Variants in GRID2 observed in about 807,000 individuals in gnomAD.
GRID2 encodes glutamate ionotropic receptor delta type subunit 2.
Under a neutral mutation model 114.8 loss-of-function variants are expected in GRID2, and 33 were observed. The ratio of observed to expected loss-of-function variants is 0.29; its 90% confidence interval spans 0.22 to 0.38. GRID2 has a LOEUF of 0.38. Ranked by LOEUF, GRID2 falls within the 10% of genes least tolerant of loss-of-function variation. The pLI is 1.00. For missense variants in GRID2, 1,184 were observed against 1,257.7 expected, an observed-to-expected ratio of 0.94 and a Z score of 0.89; for synonymous variants, 505 against 449.9, an observed-to-expected ratio of 1.12 and a Z score of -1.55.
chr4:92,772,478 G>GA (rs1323715832), intron 2 of GRID2, among the ~76,000 whole-genome samples: 1 of 152,028 alleles, frequency 6.6e-6, no homozygotes, highest in African/African-American at 2.4e-5. Context: ...TACAATAAGG[G>GA]AGGAGCAGTG....
At chr4:92,922,494 A>G (rs958689890) in intron 2 of GRID2, among the ~76,000 whole-genome samples, 2 of 152,086 alleles carry the variant, frequency 1.3e-5, no homozygotes, top group Admixed American at 1.3e-4. Context: ...CCACCCCCCC[A>G]GAAACTGACA....
At position 92,651,793 on chromosome 4, in the gene GRID2, G is replaced by A. The variant is rs1579769437; in HGVS notation, c.244+61507G>A. Among the ~76,000 whole-genome samples the A allele has an allele frequency of 3.3e-5, 5 of 152,118 alleles. No individual in the cohort carries two copies. In the South Asian group the frequency reaches 8.3e-4, roughly 25 times the overall value. On this transcript the variant is annotated intron_variant, in intron 2 of 15. Coordinates refer to ENST00000282020, the MANE Select transcript of GRID2 (RefSeq NM_001510.4). Reference sequence around the variant, plus strand: ...GTTCTGCCCATTGAGAGGATTTCCTGTTACAACTGTCATTCAGCTATGTCC... The same window carrying A: ...GTTCTGCCCATTGAGAGGATTTCCTATTACAACTGTCATTCAGCTATGTCC...
chr4:92,709,588 AAATATAT>A (rs1206154852), intron 2 of GRID2, among the ~76,000 whole-genome samples: 1 of 131,558 alleles, frequency 7.6e-6, no homozygotes, highest in African/African-American at 3.0e-5. Flanking sequence ...AAAAAAAAAA[AAATATAT>A]ATATATATAT....
At chr4:93,374,211 A>G (rs551466449) in intron 8 of GRID2, among the ~76,000 whole-genome samples, 131 of 152,174 alleles carry the variant, frequency 8.6e-4, no homozygotes, top group Non-Finnish European at 1.7e-3. Context: ...AAAGGCAATA[A>G]TATGTCATAT....
At chr4:93,484,970 A>T (rs1256397481) in intron 11 of GRID2, among the ~76,000 whole-genome samples, 2 of 151,864 alleles carry the variant, frequency 1.3e-5, no homozygotes, top group Non-Finnish European at 2.9e-5. Context: ...GTATTCTAAG[A>T]TATGCATACG....
At chr4:93,240,000 A>G (rs569898815) in intron 8 of GRID2, among the ~76,000 whole-genome samples, 1 of 151,540 alleles carries the variant, frequency 6.6e-6, no homozygotes, top group South Asian at 2.1e-4. Context: ...ATTCATTTAT[A>G]TTGCTGTATT....
chr4:93,073,172 T>G (rs1016622174), intron 2 of GRID2, among the ~76,000 whole-genome samples: 12 of 152,110 alleles, frequency 7.9e-5, no homozygotes, highest in African/African-American at 2.9e-4. Flanking sequence ...GTGCGACTAG[T>G]GATGCTGGAA....
chr4:93,324,101 A>G (rs919689136), intron 8 of GRID2, among the ~76,000 whole-genome samples: 22 of 152,142 alleles, frequency 1.4e-4, no homozygotes, highest in African/African-American at 5.3e-4. Context: ...AGGAGTGGTG[A>G]GAGAGGGCAT....
chr4:93,648,028 C>G (rs1722262297), intron 14 of GRID2, among the ~76,000 whole-genome samples: 1 of 152,106 alleles, frequency 6.6e-6, no homozygotes, highest in African/African-American at 2.4e-5. Context: ...TAATAAATGG[C>G]TGAGCTAGGA....
At chr4:92,538,935 G>A (rs1393923465) in intron 1 of GRID2, among the ~76,000 whole-genome samples, 2 of 151,892 alleles carry the variant, frequency 1.3e-5, no homozygotes, top group Non-Finnish European at 2.9e-5. Context: ...CCAGCTACTT[G>A]GGAGGCTGAG....
chr4:92,366,569 T>C (rs891121882), intron 1 of GRID2, among the ~76,000 whole-genome samples: 4 of 151,952 alleles, frequency 2.6e-5, no homozygotes, highest in Non-Finnish European at 4.4e-5. Context: ...CCCGAAAATG[T>C]TGCTGTTGTC....
chr4:93,732,785 T>G (rs1431993440), intron 14 of GRID2, among the ~76,000 whole-genome samples: 1 of 152,128 alleles, frequency 6.6e-6, no homozygotes, highest in Non-Finnish European at 1.5e-5. Flanking sequence ...AAAAATGCTT[T>G]TGAAAAAGGC....
chr4:93,463,328 A>G (rs1723930820), intron 11 of GRID2, among the ~76,000 whole-genome samples: 1 of 152,220 alleles, frequency 6.6e-6, no homozygotes, highest in Non-Finnish European at 1.5e-5. Flanking sequence ...TTCCTAATGA[A>G]CTGTGATGAA....
chr4:92,382,491 A>C (rs2110239534), intron 1 of GRID2, among the ~76,000 whole-genome samples: 1 of 152,182 alleles, frequency 6.6e-6, no homozygotes, highest in South Asian at 2.1e-4. Flanking sequence ...TTTAATTTCA[A>C]AGAATAGTTG....
chr4:93,126,453 G>A (rs1417444047), intron 4 of GRID2, among the ~76,000 whole-genome samples: 1 of 151,914 alleles, frequency 6.6e-6, no homozygotes, highest in Non-Finnish European at 1.5e-5. Context: ...TTTGTTGTGG[G>A]CAGATGTCCT....
At chr4:93,254,641 C>T (rs1749366502) in intron 8 of GRID2, among the ~76,000 whole-genome samples, 1 of 152,074 alleles carries the variant, frequency 6.6e-6, no homozygotes, top group South Asian at 2.1e-4. Flanking sequence ...CTATCAGTGA[C>T]AGGCTTATGC....
intron 2 of GRID2, among the ~76,000 whole-genome samples, chr4:92,905,004 T>A (rs1467883991): frequency 6.6e-6 from 1 of 152,050 alleles, no homozygotes; most frequent in Non-Finnish European, 1.5e-5. Flanking sequence ...GCTACATCAA[T>A]ATAAGCAGTC....
In GRID2 at chr4:92,374,347, G is replaced by A. The variant is rs544300995; in HGVS notation, c.88+69603G>A. ...GGTCTTTAGATAAACTTAACCAACT[G>A]TCAACCAGAAAAAATTTTAAATCTA... On this transcript the variant is annotated intron_variant, in intron 1 of 15. Transcript: ENST00000282020. 3.9e-5 allele frequency among the ~76,000 whole-genome samples: 6 copies of A among 152,188 alleles called. No homozygotes were observed. In the South Asian group the frequency reaches 1.0e-3, roughly 26 times the overall value.
chr4:92,502,732 T>C (rs1455865054), intron 1 of GRID2, among the ~76,000 whole-genome samples: 1 of 122,102 alleles, frequency 8.2e-6, no homozygotes, highest in Non-Finnish European at 1.7e-5. Context: ...TTTTTTTTTT[T>C]TCCTATACGA....
Sources: gnomAD v4.1 joint callset for allele counts (sites outside exome capture counted in the v4.1 genomes callset) on GRCh38, gnomAD v4.1.1 for gene constraint, MANE v1.5 for transcripts, NCBI Gene and HGNC (gene_info 2026-07-23, HGNC 2026-07-21) for gene names.